The following ZDHHC3 variants were observed in gnomAD, a reference collection of about 807,000 sequenced individuals.
ZDHHC3 encodes the protein palmitoyltransferase ZDHHC3.
Under a neutral mutation model 30.6 loss-of-function variants are expected in ZDHHC3, and 9 were observed. The ratio of observed to expected loss-of-function variants is 0.29; its 90% confidence interval spans 0.18 to 0.51. The LOEUF is 0.51. Ranked by LOEUF, ZDHHC3 falls within the 20% of genes least tolerant of loss-of-function variation. ZDHHC3 has a pLI of 0.97. For synonymous variants in ZDHHC3, 136 were observed against 140.2 expected, an observed-to-expected ratio of 0.97 and a Z score of 0.21; for missense variants, 246 against 384.2, an observed-to-expected ratio of 0.64 and a Z score of 3.01.
Position 44,918,685 on chromosome 3 carries a change from A to G in ZDHHC3, c.*8004T>C, listed in dbSNP as rs1304292350. ...GCTCGTACAGCAAGTGCCAACATGC[A>G]TTAGGCAGCCGGAGGGCACACAGGA... On this transcript the variant is annotated 3_prime_UTR_variant, in exon 7 of 7. Coordinates refer to ENST00000424952, the MANE Select transcript of ZDHHC3 (RefSeq NM_001135179.2). 4 of 997,312 alleles carry G rather than the reference A, an allele frequency of 4.0e-6. No homozygotes were observed. The East Asian group carries it at 3.2e-4, about 79-fold the overall frequency. The allele number at this position is 997,312 out of a possible 1,614,324, so 61.8% of individuals were successfully genotyped here. A position where few individuals can be genotyped will look rare whatever the true frequency, so the allele number is the denominator to read the frequency against.
Position 44,976,131 on chromosome 3 carries a change from C to T in ZDHHC3, c.-223G>A. 3.6e-6 allele frequency: 2 copies of T among 561,114 alleles called. No homozygotes were observed. The highest frequency in any genetic ancestry group is 3.6e-5 in the East Asian group (1 of 28,168). 34.8% of individuals were successfully genotyped at this position (561,114 alleles called of 1,614,324 possible). A position where few individuals can be genotyped will look rare whatever the true frequency, so the allele number is the denominator to read the frequency against. On this transcript the variant is annotated 5_prime_UTR_variant, in exon 1 of 7. Coordinates refer to ENST00000424952, the MANE Select transcript of ZDHHC3 (RefSeq NM_001135179.2). ...GGAGAAGCCCATCGAGCTCTCCCGG[C>T]AGTGGCGGCGGCCGCGGCTGCAGGA...
At chr3:44,944,691 T>G (rs1702759220) in intron 3 of ZDHHC3, among the ~76,000 whole-genome samples, 2 of 152,232 alleles carry the variant, frequency 1.3e-5, no homozygotes, top group Non-Finnish European at 2.9e-5. Context: ...AATGGCTTTC[T>G]TTTTTGGTTT....
chr3:44,963,127 A>T (rs1486963697), intron 1 of ZDHHC3, among the ~76,000 whole-genome samples: 1 of 152,140 alleles, frequency 6.6e-6, no homozygotes, highest in Non-Finnish European at 1.5e-5. Context: ...CATGGTGGAG[A>T]GTGTGTCAAG....
At chr3:44,963,324 C>T (rs1704641304) in intron 1 of ZDHHC3, among the ~76,000 whole-genome samples, 1 of 152,170 alleles carries the variant, frequency 6.6e-6, no homozygotes, top group Non-Finnish European at 1.5e-5. Context: ...ACACCAAGTC[C>T]TGACCTGAAG....
At chr3:44,927,434 C>T (rs1244737831) in intron 6 of ZDHHC3, among the ~76,000 whole-genome samples, 1 of 152,182 alleles carries the variant, frequency 6.6e-6, no homozygotes, top group Non-Finnish European at 1.5e-5. Flanking sequence ...GCTTAGTGGG[C>T]CTGGTGAGAC....
chr3:44,932,797 C>G, intron 5 of ZDHHC3: 1 of 973,382 alleles, frequency 1.0e-6, no homozygotes, highest in Non-Finnish European at 1.6e-6. Flanking sequence ...AAACTTCTCT[C>G]CCAGCATGGC....
chr3:44,970,239 C>G (rs1004391254), intron 1 of ZDHHC3, among the ~76,000 whole-genome samples: 13 of 152,204 alleles, frequency 8.5e-5, no homozygotes, highest in Admixed American at 3.3e-4. Flanking sequence ...TGGGAGGAAC[C>G]TGGGACCACA....
intron 3 of ZDHHC3, 59 bp downstream of exon 3, chr3:44,945,109 G>C (rs3749188): frequency 3.1e-6 from 5 of 1,608,792 alleles, no homozygotes; most frequent in Middle Eastern, 2.1e-4. Context: ...AGGTGTTGGC[G>C]GGGATGGAGG....
chr3:44,960,165 A>G (rs952392000), intron 1 of ZDHHC3, among the ~76,000 whole-genome samples: 1 of 152,220 alleles, frequency 6.6e-6, no homozygotes, highest in African/African-American at 2.4e-5. Flanking sequence ...ATTTTGACTT[A>G]AAAGGCAAGG....
chr3:44,919,882 G>A lies in ZDHHC3; in HGVS notation c.*6807C>T. On this transcript the variant is annotated 3_prime_UTR_variant, in exon 7 of 7. Transcript: ENST00000424952. Reference sequence around the variant, plus strand: ...TCAATAATCTGAGACAAAGATTTATGCAATACAAACTTGAACACTGAATTA... The same window carrying A: ...TCAATAATCTGAGACAAAGATTTATACAATACAAACTTGAACACTGAATTA... 1 of 1,014,854 alleles carries A rather than the reference G, an allele frequency of 9.9e-7. No individual in the cohort carries two copies. The highest frequency in any genetic ancestry group is 1.2e-6 in the Non-Finnish European group (1 of 845,856). The allele number at this position is 1,014,854 out of a possible 1,614,324, so 62.9% of individuals were successfully genotyped here.
chr3:44,968,662 C>T (rs183446760), intron 1 of ZDHHC3, among the ~76,000 whole-genome samples: 1 of 152,332 alleles, frequency 6.6e-6, no homozygotes, highest in Non-Finnish European at 1.5e-5. Context: ...CACCACTGCA[C>T]TCCAGCTTGG....
intron 6 of ZDHHC3, among the ~76,000 whole-genome samples, chr3:44,927,690 AGCT>A: frequency 6.6e-6 from 1 of 152,344 alleles, no homozygotes; most frequent in African/African-American, 2.4e-5. Context: ...CTGGGGAAAG[AGCT>A]GCTTCCTCCC....
Position 44,930,025 on chromosome 3 carries a change from G to T in ZDHHC3, c.611-589C>A, listed in dbSNP as rs574608636. ...CAGTGTGAGGTAATGCACTGCCCCCGCTCCCAGGGACATTTGCAGCACCGA... is the reference window on the plus strand; with the variant it reads ...CAGTGTGAGGTAATGCACTGCCCCCTCTCCCAGGGACATTTGCAGCACCGA... On this transcript the variant is annotated intron_variant, in intron 5 of 6. Transcript: ENST00000424952. 3.3e-5 allele frequency among the ~76,000 whole-genome samples: 5 copies of T among 152,294 alleles called. No individual in the cohort carries two copies. In the East Asian group the frequency reaches 9.6e-4, roughly 29 times the overall value.
intron 2 of ZDHHC3, among the ~76,000 whole-genome samples, chr3:44,952,563 G>C (rs182576415): frequency 1.1e-4 from 17 of 152,286 alleles, no homozygotes; most frequent in Admixed American, 4.6e-4. Context: ...CAGGGCTCTT[G>C]AGGCCACCAT....
In ZDHHC3 at chr3:44,926,741, G is replaced by T. The variant is rs1701024915; in HGVS notation, c.848C>A (p.Pro283His). The change falls in exon 7 of 7, where the codon CCC (proline) becomes CAC (histidine). Residue 283 changes from proline (P) to histidine (H), a missense_variant. Transcript: ENST00000424952. ...CTTCCCTTGGTCTGGCGTGGCAAAG[G>T]GGCTGGCCCAGCCTAGAGAGAAGGG... The part of the protein sequence containing the change: ...GHPFSLGWAS[P>H]FATPDQGKAD... 6.2e-7 allele frequency: 1 copy of T among 1,613,658 alleles called. No homozygotes were observed. The highest frequency in any genetic ancestry group is 1.3e-5 in the African/African-American group (1 of 74,848).
intron 1 of ZDHHC3, chr3:44,975,238 C>T (rs1705806424): frequency 6.6e-6 from 1 of 152,142 alleles, no homozygotes; most frequent in African/African-American, 2.4e-5. Context: ...CTTTGGTGAC[C>T]CCAGCTTCAC....
At position 44,924,125 on chromosome 3, in the gene ZDHHC3, G is replaced by A. The variant is rs1700806331; in HGVS notation, c.*2564C>T. On this transcript the variant is annotated 3_prime_UTR_variant, in exon 7 of 7. Transcript: ENST00000424952. ...CTACGACTGGTTCAATTTCCCATGA[G>A]TGCACCAAACAGTACTATCAGAACT... 3 of 985,410 alleles carry A rather than the reference G, an allele frequency of 3.0e-6. No individual in the cohort carries two copies. Among genetic ancestry groups the A allele is most frequent in the Non-Finnish European group, 3.6e-6 (3 of 829,938 alleles). 61.0% of individuals were successfully genotyped at this position (985,410 alleles called of 1,614,324 possible).
intron 2 of ZDHHC3, among the ~76,000 whole-genome samples, chr3:44,949,234 C>T (rs1342046026): frequency 2.0e-5 from 3 of 152,048 alleles, no homozygotes; most frequent in South Asian, 2.1e-4. Context: ...GTTAGAATAC[C>T]GTTTTGGACA....
intron 2 of ZDHHC3, among the ~76,000 whole-genome samples, chr3:44,948,759 A>G (rs151300433): frequency 7.8e-4 from 118 of 152,194 alleles, no homozygotes; most frequent in African/African-American, 2.7e-3. Context: ...GGGCCTACAG[A>G]TCTCCTGTCG....
Sources: gnomAD v4.1 joint callset for allele counts (sites outside exome capture counted in the v4.1 genomes callset) on GRCh38, gnomAD v4.1.1 for gene constraint, MANE v1.5 for transcripts, NCBI Gene and HGNC (gene_info 2026-07-23, HGNC 2026-07-21) for gene names.